The following ERC2 variants were observed in gnomAD, a reference collection of about 807,000 sequenced individuals.
The protein encoded by ERC2 is ERC protein 2.
Under a neutral mutation model 114.8 loss-of-function variants are expected in ERC2, and 42 were observed. The ratio of observed to expected loss-of-function variants is 0.37; its 90% confidence interval spans 0.29 to 0.47. The LOEUF (loss-of-function observed/expected upper bound fraction) is 0.47. Among genes scored for constraint, ERC2 ranks in the 20% least tolerant of loss-of-function variants. The pLI is 0.99. For missense variants in ERC2, 939 were observed against 1,150.7 expected, an observed-to-expected ratio of 0.82 and a Z score of 2.66; for synonymous variants, 454 against 425.5, an observed-to-expected ratio of 1.07 and a Z score of -0.82.
chr3:56,196,463 G>C (rs1374509366), intron 3 of ERC2, among the ~76,000 whole-genome samples: 2 of 150,620 alleles, frequency 1.3e-5, no homozygotes, highest in Non-Finnish European at 3.0e-5. Flanking sequence ...ACTCGCTGCT[G>C]AGTCACAGGA....
intron 2 of ERC2, among the ~76,000 whole-genome samples, chr3:56,404,821 T>A (rs955410539): frequency 1.3e-5 from 2 of 151,908 alleles, no homozygotes; most frequent in African/African-American, 4.8e-5. Flanking sequence ...ATAACAACAA[T>A]ATACAGCACG....
intron 7 of ERC2, among the ~76,000 whole-genome samples, chr3:56,029,102 T>C (rs2074226622): frequency 6.6e-6 from 1 of 152,052 alleles, no homozygotes; most frequent in African/African-American, 2.4e-5. Context: ...TTATAATAAT[T>C]AGTTTTGGTG....
At chr3:56,372,833 C>T (rs932701395) in intron 2 of ERC2, among the ~76,000 whole-genome samples, 1 of 152,158 alleles carries the variant, frequency 6.6e-6, no homozygotes, top group African/African-American at 2.4e-5. Flanking sequence ...GAGCTATAAC[C>T]GCTAATTCAC....
intron 6 of ERC2, among the ~76,000 whole-genome samples, chr3:56,110,350 T>C (rs868328167): frequency 6.6e-6 from 1 of 152,262 alleles, no homozygotes; most frequent in South Asian, 2.1e-4. Flanking sequence ...CCCACTGCAA[T>C]ACTAACTATA....
In ERC2 at chr3:56,455,466, A is replaced by C. The variant is rs576924352; in HGVS notation, c.-141+12782T>G. ...ACTTCCCTGTCTCATATCCTCATTC[A>C]CTCACTAGTGACCCCCTGTAAGTCC... On this transcript the variant is annotated intron_variant, in intron 1 of 17. Coordinates refer to ENST00000288221, the MANE Select transcript of ERC2 (RefSeq NM_015576.3). Among the ~76,000 whole-genome samples the C allele has an allele frequency of 3.3e-5, 5 of 152,036 alleles. No individual in the cohort carries two copies. The East Asian group carries it at 5.8e-4, about 18-fold the overall frequency.
At chr3:55,823,670 T>G (rs2060216255) in intron 14 of ERC2, among the ~76,000 whole-genome samples, 1 of 152,204 alleles carries the variant, frequency 6.6e-6, no homozygotes, top group Non-Finnish European at 1.5e-5. Context: ...ACACAGGGTA[T>G]GGCAGATACT....
chr3:55,846,695 C>T lies in ERC2; in HGVS notation c.2564+41694G>A, dbSNP rs201772470. On this transcript the variant is annotated intron_variant, in intron 14 of 17. Transcript: ENST00000288221. ...TCTCTCTCTCTCTCTCTCTCTCTTT[C>T]TCTCTCTCTCTCTCTCTCTCTCTCT... Among the ~76,000 whole-genome samples the T allele has an allele frequency of 5.8e-5, 7 of 121,390 alleles. No homozygotes were observed. In the South Asian group the frequency reaches 9.4e-4, roughly 16 times the overall value. 79.6% of individuals were successfully genotyped at this position (121,390 alleles called of 152,430 possible). A position where few individuals can be genotyped will look rare whatever the true frequency, so the allele number is the denominator to read the frequency against.
At position 55,902,494 on chromosome 3, in the gene ERC2, C is replaced by T. The variant is rs147956204; in HGVS notation, c.2404-13945G>A. Reference sequence around the variant, plus strand: ...CCACCCAAACAGTCAGTTCTCCCCACGTACAAAGCGGCTGGTAAGGAGTAT... The same window carrying T: ...CCACCCAAACAGTCAGTTCTCCCCATGTACAAAGCGGCTGGTAAGGAGTAT... On this transcript the variant is annotated intron_variant, in intron 13 of 17. Coordinates refer to ENST00000288221, the MANE Select transcript of ERC2 (RefSeq NM_015576.3). Among the ~76,000 whole-genome samples the T allele has an allele frequency of 6.4e-4, 98 of 152,264 alleles. 1 individual carries two copies. In the East Asian group the frequency reaches 0.017, roughly 26 times the overall value.
At chr3:55,514,120 A>C (rs1326147061) in intron 17 of ERC2, among the ~76,000 whole-genome samples, 1 of 152,222 alleles carries the variant, frequency 6.6e-6, no homozygotes, top group African/African-American at 2.4e-5. Flanking sequence ...TTATCAACTA[A>C]GCGAGGTGGC....
intron 3 of ERC2, among the ~76,000 whole-genome samples, chr3:56,251,564 TG>T (rs1398435635): frequency 6.6e-6 from 1 of 152,222 alleles, no homozygotes; most frequent in Non-Finnish European, 1.5e-5. Context: ...ATGAGGTGGC[TG>T]TAATGTTGCT....
intron 6 of ERC2, among the ~76,000 whole-genome samples, chr3:56,118,153 C>T (rs1413946998): frequency 6.6e-6 from 1 of 152,204 alleles, no homozygotes; most frequent in Non-Finnish European, 1.5e-5. Context: ...GAGCAAGTTA[C>T]TCAGCTTCCT....
intron 7 of ERC2, among the ~76,000 whole-genome samples, chr3:56,048,224 G>A (rs2075576629): frequency 6.6e-6 from 1 of 152,160 alleles, no homozygotes; most frequent in African/African-American, 2.4e-5. Flanking sequence ...GGAACAGAGG[G>A]GGCAGGAAGA....
chr3:55,977,353 T>C (rs2069675564), intron 12 of ERC2, among the ~76,000 whole-genome samples: 1 of 109,806 alleles, frequency 9.1e-6, no homozygotes, highest in Non-Finnish European at 1.9e-5. Context: ...ATTAGCCAAA[T>C]AAAAGAAAAG....
chr3:56,358,703 G>A (rs1039783012), intron 2 of ERC2, among the ~76,000 whole-genome samples: 1 of 152,256 alleles, frequency 6.6e-6, no homozygotes, highest in Non-Finnish European at 1.5e-5. Context: ...CTTAGTAACT[G>A]TGGATGTGGG....
At chr3:56,343,302 G>A (rs2058175406) in intron 2 of ERC2, among the ~76,000 whole-genome samples, 1 of 151,538 alleles carries the variant, frequency 6.6e-6, no homozygotes, top group South Asian at 2.1e-4. Flanking sequence ...CCATTAGAAT[G>A]AAACTCCACA....
chr3:55,611,946 GAGT>G (rs1361985882), intron 17 of ERC2, among the ~76,000 whole-genome samples: 8 of 152,300 alleles, frequency 5.3e-5, no homozygotes, highest in South Asian at 2.1e-4. Flanking sequence ...GTCCCTTCTG[GAGT>G]CTAGTAATCA....
At chr3:56,114,315 C>A (rs572190026) in intron 6 of ERC2, among the ~76,000 whole-genome samples, 158 of 152,258 alleles carry the variant, frequency 1.0e-3, no homozygotes, top group Middle Eastern at 3.4e-3. Flanking sequence ...CAGAGGAAGT[C>A]CATGGTCAGT....
chr3:56,154,854 T>C (rs2081608221), intron 4 of ERC2, among the ~76,000 whole-genome samples: 1 of 152,152 alleles, frequency 6.6e-6, no homozygotes, highest in South Asian at 2.1e-4. Context: ...AAAGTTGTCA[T>C]TATTATCATA....
chr3:56,090,305 T>G (rs1017104276), intron 6 of ERC2, among the ~76,000 whole-genome samples: 2 of 152,212 alleles, frequency 1.3e-5, no homozygotes, highest in African/African-American at 4.8e-5. Context: ...TATTTTAATT[T>G]CAGATTTCTC....
Sources: gnomAD v4.1 joint callset for allele counts (sites outside exome capture counted in the v4.1 genomes callset) on GRCh38, gnomAD v4.1.1 for gene constraint, MANE v1.5 for transcripts, NCBI Gene and HGNC (gene_info 2026-07-23, HGNC 2026-07-21) for gene names.